PDE7A: variants seen among roughly 807,000 people sequenced by gnomAD.
The protein encoded by PDE7A is phosphodiesterase 7A.
PDE7A carries 39 observed loss-of-function variants against 64.3 expected under a neutral mutation model. That is an observed-to-expected ratio of 0.61 (90% CI 0.47 to 0.79). The LOEUF is 0.79. Ranked by LOEUF, PDE7A falls within the 30% of genes least tolerant of loss-of-function variation. PDE7A has a pLI of 0.00. For missense variants in PDE7A, 470 were observed against 582.8 expected (o/e 0.81, Z 1.99); for synonymous variants, 203 against 206.8 (o/e 0.98, Z 0.16).
intron 1 of PDE7A, among the ~76,000 whole-genome samples, chr8:65,818,834 T>C (rs117044555): frequency 1.3e-5 from 2 of 152,314 alleles, no homozygotes; most frequent in Non-Finnish European, 2.9e-5. Context: ...TCTTCCCTTG[T>C]ACCTCTGGAA....
rs187656912 is a variant in PDE7A, at chr8:65,821,983, G to A, written c.138+19388C>T. ...AACAAGCTGATCCAGTTCCTAACAG[G>A]CAGAATTTTATAACCACTGCCTTTT... On this transcript the variant is annotated intron_variant, in intron 1 of 12. Transcript: ENST00000401827. Among the ~76,000 whole-genome samples, 134 of 152,238 alleles carry A rather than the reference G, an allele frequency of 8.8e-4. 1 individual carries two copies. Among genetic ancestry groups the A allele is most frequent in the Admixed American group, 3.2e-3 (49 of 15,292 alleles).
intron 1 of PDE7A, among the ~76,000 whole-genome samples, chr8:65,828,272 A>G (rs186608463): frequency 1.3e-5 from 2 of 152,222 alleles, no homozygotes; most frequent in Admixed American, 6.5e-5. Context: ...TCACACATTG[A>G]TATATAATAT....
intron 1 of PDE7A, among the ~76,000 whole-genome samples, chr8:65,787,443 A>T (rs1175359748): frequency 6.6e-6 from 1 of 152,220 alleles, no homozygotes; most frequent in East Asian, 1.9e-4. Context: ...ATTTCCTCTG[A>T]CATAGCAAAA....
At position 65,752,532 on chromosome 8, in the gene PDE7A, T is replaced by C. The variant is rs555774427; in HGVS notation, c.284-4729A>G. 3.3e-5 allele frequency among the ~76,000 whole-genome samples: 5 copies of C among 152,324 alleles called. 1 individual carries two copies. In the South Asian group the frequency reaches 1.0e-3, roughly 32 times the overall value. ...CAAAATCTGAGGCAAACCTGTTATT[T>C]TTGCCCTTGTAAGTGACTAGGTATT... is the stretch of plus-strand genomic sequence containing the variant. On this transcript the variant is annotated intron_variant, in intron 3 of 12. Coordinates refer to ENST00000401827, the MANE Select transcript of PDE7A (RefSeq NM_001242318.3).
intron 7 of PDE7A, among the ~76,000 whole-genome samples, chr8:65,731,986 A>ATTATTATTG (rs1057343677): frequency 7.2e-6 from 1 of 138,666 alleles, no homozygotes; most frequent in Non-Finnish European, 1.6e-5. Context: ...TATTATTATT[A>ATTATTATTG]TTGTTGTTGT....
intron 1 of PDE7A, among the ~76,000 whole-genome samples, chr8:65,814,848 G>T (rs986394164): frequency 6.6e-6 from 1 of 152,002 alleles, no homozygotes; most frequent in Non-Finnish European, 1.5e-5. Context: ...TTGGGAGGCT[G>T]AGGAGGATGG....
At chr8:65,825,976 A>G (rs1337941136) in intron 1 of PDE7A, among the ~76,000 whole-genome samples, 2 of 152,154 alleles carry the variant, frequency 1.3e-5, no homozygotes, top group Non-Finnish European at 2.9e-5. Context: ...GCTATTTTGA[A>G]GAGGATGGTC....
chr8:65,833,198 T>TC (rs1181102698), intron 1 of PDE7A, among the ~76,000 whole-genome samples: 1 of 152,118 alleles, frequency 6.6e-6, no homozygotes, highest in Non-Finnish European at 1.5e-5. Flanking sequence ...TCACCAACTC[T>TC]CCATCTCCAT....
At chr8:65,761,760 A>AT in intron 3 of PDE7A, among the ~76,000 whole-genome samples, 1 of 152,364 alleles carries the variant, frequency 6.6e-6, no homozygotes, top group East Asian at 1.9e-4. Flanking sequence ...AAAAAGTGGG[A>AT]TAGCAGACGA....
intron 3 of PDE7A, among the ~76,000 whole-genome samples, chr8:65,767,832 A>G (rs1808869666): frequency 6.6e-6 from 1 of 152,186 alleles, no homozygotes; most frequent in African/African-American, 2.4e-5. Flanking sequence ...ACTGGTAAAT[A>G]TAAGTGTTTC....
At chr8:65,733,144 A>T (rs1806971873) in intron 7 of PDE7A, among the ~76,000 whole-genome samples, 1 of 152,150 alleles carries the variant, frequency 6.6e-6, no homozygotes, top group Non-Finnish European at 1.5e-5. Context: ...TAAGGATGAA[A>T]AGTGTTTAAG....
chr8:65,789,738 G>A (rs1481910991), intron 1 of PDE7A, among the ~76,000 whole-genome samples: 2 of 152,156 alleles, frequency 1.3e-5, no homozygotes, highest in Non-Finnish European at 2.9e-5. Flanking sequence ...CCGAGAGGCT[G>A]CAGATAATAC....
chr8:65,816,569 G>C (rs973428066), intron 1 of PDE7A, among the ~76,000 whole-genome samples: 14 of 152,106 alleles, frequency 9.2e-5, no homozygotes, highest in Admixed American at 2.6e-4. Context: ...CTTTCTGTAG[G>C]AATGTATTTA....
intron 5 of PDE7A, among the ~76,000 whole-genome samples, chr8:65,743,548 T>C (rs1183578568): frequency 6.6e-6 from 1 of 152,174 alleles, no homozygotes; most frequent in Admixed American, 6.6e-5. Flanking sequence ...CTGTCAACAC[T>C]GCATAAGCAA....
intron 1 of PDE7A, among the ~76,000 whole-genome samples, chr8:65,810,661 A>G (rs190272467): frequency 1.0e-3 from 158 of 152,328 alleles, no homozygotes; most frequent in Middle Eastern, 0.01. Context: ...AAGGTAATTT[A>G]CTATATTAGA....
Position 65,719,185 on chromosome 8 carries a change from C to T in PDE7A, c.*105G>A. ...ATAAATAATGCTGGCTGGCATCACT[C>T]ACTTGGAAACCTTGGCAGTCAAGAG... On this transcript the variant is annotated 3_prime_UTR_variant, in exon 13 of 13. Transcript: ENST00000401827. The T allele has an allele frequency of 2.7e-6, 2 of 735,740 alleles. No homozygotes were observed. The highest frequency in any genetic ancestry group is 1.6e-5 in the South Asian group (1 of 62,170). The allele number at this position is 735,740 out of a possible 1,614,324, so 45.6% of individuals were successfully genotyped here.
chr8:65,723,737 A>G, intron 11 of PDE7A, 116 bp from the exon 12 acceptor site: 3 of 654,830 alleles, frequency 4.6e-6, no homozygotes, highest in Non-Finnish European at 7.0e-6. Flanking sequence ...AATCCTCATG[A>G]GAGGACAGCT....
chr8:65,776,835 T>C (rs1331368719), intron 3 of PDE7A, among the ~76,000 whole-genome samples: 1 of 152,200 alleles, frequency 6.6e-6, no homozygotes, highest in African/African-American at 2.4e-5. Context: ...CTAGTCCTTA[T>C]ACTTTTCATT....
chr8:65,739,355 A>C, intron 6 of PDE7A, 147 bp downstream of exon 6: 2 of 891,340 alleles, frequency 2.2e-6, no homozygotes, highest in East Asian at 3.8e-5. Context: ...CAGATGCAAG[A>C]GCTAAATAAC....
Sources: allele counts gnomAD v4.1 joint callset (sites outside exome capture counted in the v4.1 genomes callset), GRCh38; gene constraint gnomAD v4.1.1; transcripts MANE v1.5; gene names NCBI Gene and HGNC (gene_info 2026-07-23, HGNC 2026-07-21).